The following DNMT3A variants were observed in gnomAD, a reference collection of about 807,000 sequenced individuals.
The protein encoded by DNMT3A is DNA methyltransferase 3 alpha.
A neutral mutation model predicts 117.6 loss-of-function variants in DNMT3A; 267 were observed. That is an observed-to-expected ratio of 2.27 (90% CI 2.05 to 2.51). The LOEUF (loss-of-function observed/expected upper bound fraction) is 2.51, where lower values mean the gene tolerates loss of function less well. DNMT3A is among the 30% of genes most tolerant of loss of function. The pLI, the probability that DNMT3A is intolerant of heterozygous loss-of-function variation, is 0.00. For synonymous variants in DNMT3A, 432 were observed against 474.8 expected, an observed-to-expected ratio of 0.91 and a Z score of 1.17; for missense variants, 1,029 against 1,260.2, an observed-to-expected ratio of 0.82 and a Z score of 2.78.
Position 25,282,805 on chromosome 2 carries a change from T to C in DNMT3A, c.178-94A>G, listed in dbSNP as rs2031986689. 1.4e-6 allele frequency: 2 copies of C among 1,408,658 alleles called. No homozygotes were observed. The highest frequency in any genetic ancestry group is 1.9e-6 in the Non-Finnish European group (2 of 1,057,364). The allele number at this position is 1,408,658 out of a possible 1,614,324, so 87.3% of individuals were successfully genotyped here. ...ACCGCTCTGAAATTCTAGAGAATGT[T>C]ATGCACTTTCTGTCCAGAAACTGTG... On this transcript the variant is annotated intron_variant, in intron 3 of 22. Transcript: ENST00000321117. The surrounding 1 kb of genome is among the most constrained non-coding windows in gnomAD (Gnocchi z 5.2).
rs183866487 is a variant in DNMT3A at position 25,262,826 on chromosome 2, C to A, written c.639+12115G>T. ...CTAGTTCTGTCTCTTCTTGCCCATC[C>A]TCCCTAACCCCTGCACCCTAGTTAC... On this transcript the variant is annotated intron_variant, in intron 6 of 22. Coordinates refer to ENST00000321117, the MANE Select transcript of DNMT3A (RefSeq NM_022552.5). Among the ~76,000 whole-genome samples the A allele has an allele frequency of 1.1e-3, 173 of 152,306 alleles. 1 individual carries two copies. Among genetic ancestry groups the A allele is most frequent in the African/African-American group, 3.8e-3 (158 of 41,566 alleles).
At chr2:25,336,289 C>T (rs1298747081) in intron 1 of DNMT3A, among the ~76,000 whole-genome samples, 1 of 152,166 alleles carries the variant, frequency 6.6e-6, no homozygotes, top group Non-Finnish European at 1.5e-5. Context: ...ACGTCTTCAC[C>T]CCCATTTCCC....
intron 21 of DNMT3A, 107 bp from the exon 22 acceptor site, chr2:25,235,932 T>C: frequency 9.5e-7 from 1 of 1,050,346 alleles, no homozygotes; most frequent in Non-Finnish European, 1.5e-6. Context: ...TGACAGGGCC[T>C]GGTCCACCCA....
At chr2:25,259,563 T>A (rs190471255) in intron 6 of DNMT3A, among the ~76,000 whole-genome samples, 3 of 152,232 alleles carry the variant, frequency 2.0e-5, no homozygotes, top group East Asian at 3.8e-4. Context: ...ATTTGAGAGG[T>A]GAGGGACTTC....
intron 13 of DNMT3A, 84 bp from the exon 14 acceptor site, chr2:25,244,736 A>T: frequency 8.5e-7 from 1 of 1,175,238 alleles, no homozygotes; most frequent in Non-Finnish European, 1.3e-6. Flanking sequence ...ACCTGGCCTC[A>T]CAGAGCCTAA....
At chr2:25,297,376 C>T (rs533280328) in intron 3 of DNMT3A, among the ~76,000 whole-genome samples, 16 of 152,146 alleles carry the variant, frequency 1.1e-4, no homozygotes, top group Non-Finnish European at 1.9e-4. Context: ...ACGAGGGGCA[C>T]GGGATGCGCC....
chr2:25,254,071 C>CA lies in DNMT3A; in HGVS notation c.640-5820dup, dbSNP rs752382240. Among the ~76,000 whole-genome samples the CA allele has an allele frequency of 0.015, 1,033 of 70,866 alleles. 5 individuals carry two copies. Among genetic ancestry groups the CA allele is most frequent in the African/African-American group, 0.032 (616 of 19,262 alleles). The allele number at this position is 70,866 out of a possible 152,430, so 46.5% of individuals were successfully genotyped here. On this transcript the variant is annotated intron_variant, in intron 6 of 22. Coordinates refer to ENST00000321117, the MANE Select transcript of DNMT3A (RefSeq NM_022552.5). This position sits in a 1 kb window ranked among gnomAD's most constrained non-coding sequence, Gnocchi z 4.7. Reference sequence around the variant, plus strand: ...TGGGCAACAGAGCGAGACTCCGTCTCAAAAAAAAAAAAAAAAAAGATCTGG... The same window carrying CA: ...TGGGCAACAGAGCGAGACTCCGTCTCAAAAAAAAAAAAAAAAAAAGATCTGG...
chr2:25,265,629 C>T (rs1197163090), intron 6 of DNMT3A, among the ~76,000 whole-genome samples: 1 of 152,070 alleles, frequency 6.6e-6, no homozygotes, highest in African/African-American at 2.4e-5. Flanking sequence ...ACCAGCCTGG[C>T]CAACATGGTG....
intron 20 of DNMT3A, among the ~76,000 whole-genome samples, chr2:25,238,608 A>T (rs1673624804): frequency 6.6e-6 from 1 of 152,246 alleles, no homozygotes; most frequent in Non-Finnish European, 1.5e-5. Flanking sequence ...TAAAATCTTT[A>T]TCTGTGTAAC....
chr2:25,235,240 A>G (rs1390239710), intron 22 of DNMT3A, among the ~76,000 whole-genome samples: 1 of 150,884 alleles, frequency 6.6e-6, no homozygotes, highest in East Asian at 1.9e-4. Flanking sequence ...GCTGGAGCAC[A>G]GTGGCGCAAT....
At chr2:25,280,763 G>A (rs1330362296) in intron 4 of DNMT3A, among the ~76,000 whole-genome samples, 1 of 152,176 alleles carries the variant, frequency 6.6e-6, no homozygotes, top group Non-Finnish European at 1.5e-5. Context: ...CCCTGAATGG[G>A]TGTTTTAAGA....
intron 3 of DNMT3A, among the ~76,000 whole-genome samples, chr2:25,295,687 G>A (rs1320707680): frequency 6.6e-6 from 1 of 152,242 alleles, no homozygotes; most frequent in African/African-American, 2.4e-5. Flanking sequence ...TTGCAGTTGG[G>A]AGGTGTGAAG....
chr2:25,256,211 C>T (rs1011559618), intron 6 of DNMT3A, among the ~76,000 whole-genome samples: 2 of 152,180 alleles, frequency 1.3e-5, no homozygotes, highest in African/African-American at 4.8e-5. Flanking sequence ...ACCCGTCCTC[C>T]TCCCACCTAC....
intron 2 of DNMT3A, among the ~76,000 whole-genome samples, chr2:25,313,515 AAC>A (rs1175483060): frequency 1.3e-5 from 2 of 152,132 alleles, no homozygotes; most frequent in African/African-American, 4.8e-5. Flanking sequence ...GAAGCTACTG[AAC>A]ACCTTAAGGA....
At chr2:25,341,225 C>A (rs1427102595) in intron 1 of DNMT3A, among the ~76,000 whole-genome samples, 2 of 144,446 alleles carry the variant, frequency 1.4e-5, no homozygotes, top group East Asian at 4.1e-4. Flanking sequence ...GGGGGAGGGG[C>A]GGGGGGCCGG....
intron 3 of DNMT3A, among the ~76,000 whole-genome samples, chr2:25,299,912 C>T (rs1389675647): frequency 1.3e-5 from 2 of 152,152 alleles, no homozygotes; most frequent in Non-Finnish European, 2.9e-5. Context: ...GCCTGGGCAA[C>T]AGAGTGAGAC....
chr2:25,317,838 C>A (rs961112701), intron 1 of DNMT3A, among the ~76,000 whole-genome samples: 2 of 151,984 alleles, frequency 1.3e-5, no homozygotes, highest in Non-Finnish European at 2.9e-5. Context: ...CGGGTTCAAG[C>A]GATTCTCCTG....
rs376848218 is a variant in DNMT3A at position 25,240,631 on chromosome 2, G to A, written c.2173+9C>T. The A allele has an allele frequency of 6.2e-7, 1 of 1,614,136 alleles. No individual in the cohort carries two copies. The highest frequency in any genetic ancestry group is 8.5e-7 in the Non-Finnish European group (1 of 1,179,960). On this transcript the variant is annotated intron_variant, in intron 18 of 22. Transcript: ENST00000321117. ...GCTGAGAAGGTGGAGGGGACAGGAT[G>A]GTACCTACCGTAGAGGCCCTTGCGA...
chr2:25,331,319 G>C (rs2035005503), intron 1 of DNMT3A, among the ~76,000 whole-genome samples: 1 of 152,212 alleles, frequency 6.6e-6, no homozygotes, highest in African/African-American at 2.4e-5. Flanking sequence ...AAATTCTTTG[G>C]AAATAGCCTT....
Sources: allele counts gnomAD v4.1 joint callset (sites outside exome capture counted in the v4.1 genomes callset), GRCh38; gene constraint gnomAD v4.1.1; non-coding constraint Gnocchi (gnomAD v3.1); transcripts MANE v1.5; gene names NCBI Gene and HGNC (gene_info 2026-07-23, HGNC 2026-07-21).